The following SPEF2 variants were observed in gnomAD, a reference collection of about 807,000 sequenced individuals.
SPEF2 encodes the protein sperm flagellar and cilia associated 2.
Under a neutral mutation model 224.6 loss-of-function variants are expected in SPEF2, and 187 were observed. The observed-to-expected ratio is 0.83, with a 90% CI of 0.74 to 0.94. The LOEUF (loss-of-function observed/expected upper bound fraction) is 0.94, where lower values mean the gene tolerates loss of function less well. Ranked by LOEUF, SPEF2 falls within the 40% of genes least tolerant of loss-of-function variation. The pLI is 0.00. For synonymous variants in SPEF2, 715 were observed against 707.3 expected, an observed-to-expected ratio of 1.01 and a Z score of -0.17; for missense variants, 2,170 against 2,135.6, an observed-to-expected ratio of 1.02 and a Z score of -0.32.
In SPEF2 at chr5:35,671,385, G is replaced by T. The variant is rs570499503; in HGVS notation, c.1524+1158G>T. 2.5e-4 allele frequency: 240 copies of T among 965,978 alleles called. 1 individual carries two copies. Among genetic ancestry groups the T allele is most frequent in the Non-Finnish European group, 2.9e-4 (233 of 812,274 alleles). 59.8% of individuals were successfully genotyped at this position (965,978 alleles called of 1,614,324 possible). A position where few individuals can be genotyped will look rare whatever the true frequency, so the allele number is the denominator to read the frequency against. Reference sequence around the variant, plus strand: ...TGAATCTGTATTTGTAGCACTAAGAGAATTATTATTAAGGATTGACTAGAA... The same window carrying T: ...TGAATCTGTATTTGTAGCACTAAGATAATTATTATTAAGGATTGACTAGAA... On this transcript the variant is annotated intron_variant, in intron 10 of 36. Transcript: ENST00000356031.
At position 35,807,753 on chromosome 5, in the gene SPEF2, G is replaced by C; in HGVS notation, c.5379+500G>C. 3 of 1,535,980 alleles carry C rather than the reference G, an allele frequency of 2.0e-6. No homozygotes were observed. In the South Asian group the frequency reaches 3.6e-5, roughly 18 times the overall value. On this transcript the variant is annotated intron_variant, in intron 36 of 36. Coordinates refer to ENST00000356031, the MANE Select transcript of SPEF2 (RefSeq NM_024867.4). ...CTAAGGACAAACCCCAGAGAAACTG[G>C]ACAAACCCAGCAGAAGAAAGGAAGA...
chr5:35,749,254 T>TG (rs1476181904), intron 23 of SPEF2, among the ~76,000 whole-genome samples: 1 of 152,102 alleles, frequency 6.6e-6, no homozygotes, highest in Non-Finnish European at 1.5e-5. Flanking sequence ...TAATACTGAA[T>TG]GGGGAAAAGT....
chr5:35,663,202 T>G (rs1322877235), intron 8 of SPEF2, among the ~76,000 whole-genome samples: 1 of 152,132 alleles, frequency 6.6e-6, no homozygotes, highest in Non-Finnish European at 1.5e-5. Context: ...ATCTTTGACT[T>G]CCTTATATTC....
intron 21 of SPEF2, among the ~76,000 whole-genome samples, chr5:35,732,212 A>G (rs1745750695): frequency 2.6e-5 from 4 of 152,154 alleles, no homozygotes; most frequent in Admixed American, 2.6e-4. Context: ...TGAGTTCAAA[A>G]TAGTATTTGA....
chr5:35,772,223 A>C (rs1410275885), intron 27 of SPEF2, among the ~76,000 whole-genome samples: 1 of 152,198 alleles, frequency 6.6e-6, no homozygotes, highest in Non-Finnish European at 1.5e-5. Flanking sequence ...GTCTTGAAAG[A>C]GATCCCTAAT....
intron 21 of SPEF2, among the ~76,000 whole-genome samples, chr5:35,737,961 C>G (rs1162949071): frequency 6.6e-6 from 1 of 152,132 alleles, no homozygotes; most frequent in African/African-American, 2.4e-5. Flanking sequence ...TCTCTGATGG[C>G]CAGTGATGAT....
chr5:35,670,929 T>C (rs1751149498), intron 10 of SPEF2: 3 of 985,432 alleles, frequency 3.0e-6, no homozygotes, highest in Non-Finnish European at 3.6e-6. Flanking sequence ...GCACTTCATG[T>C]TGGATGCATA....
At chr5:35,797,105 G>T (rs1261808590) in intron 33 of SPEF2, among the ~76,000 whole-genome samples, 1 of 152,160 alleles carries the variant, frequency 6.6e-6, no homozygotes, top group Non-Finnish European at 1.5e-5. Flanking sequence ...TTCATTTTCA[G>T]CCAGAAGTTT....
At chr5:35,809,970 A>G (rs945858805) in intron 36 of SPEF2, among the ~76,000 whole-genome samples, 1 of 152,182 alleles carries the variant, frequency 6.6e-6, no homozygotes, top group Non-Finnish European at 1.5e-5. Context: ...TACAAGTAGG[A>G]GCATAAAAAT....
chr5:35,629,271 A>G (rs1396059158), intron 2 of SPEF2, among the ~76,000 whole-genome samples: 3 of 143,576 alleles, frequency 2.1e-5, no homozygotes, highest in Admixed American at 7.4e-5. Context: ...CTCCTGCCTC[A>G]GCCTCCCGAG....
intron 6 of SPEF2, among the ~76,000 whole-genome samples, chr5:35,650,587 C>T (rs557229128): frequency 6.6e-6 from 1 of 152,322 alleles, no homozygotes; most frequent in South Asian, 2.1e-4. Context: ...CTTTCTGTAG[C>T]TCCCTGGCCT....
At chr5:35,813,460 G>A (rs1580820710) in intron 36 of SPEF2, among the ~76,000 whole-genome samples, 1 of 152,080 alleles carries the variant, frequency 6.6e-6, no homozygotes, top group African/African-American at 2.4e-5. Context: ...CCACAGCACT[G>A]CAGCCTGGGT....
chr5:35,628,780 C>G (rs566047666), intron 2 of SPEF2, among the ~76,000 whole-genome samples: 1 of 151,704 alleles, frequency 6.6e-6, no homozygotes, highest in African/African-American at 2.4e-5. Context: ...TTGGTGTAGA[C>G]GGGGTTTTTC....
chr5:35,654,335 A>T (rs1237256094), intron 6 of SPEF2, among the ~76,000 whole-genome samples: 1 of 152,144 alleles, frequency 6.6e-6, no homozygotes, highest in East Asian at 1.9e-4. Context: ...CTCACAGAGA[A>T]TTTAGAAATG....
chr5:35,749,963 G>T (rs1749152233), intron 23 of SPEF2, among the ~76,000 whole-genome samples: 1 of 152,048 alleles, frequency 6.6e-6, no homozygotes. Context: ...ATACTATAAG[G>T]CCATAGTAAC....
At position 35,704,643 on chromosome 5, in the gene SPEF2, A is replaced by G; in HGVS notation, c.2488A>G (p.Arg830Gly). Residue 830 changes from arginine to glycine, a missense_variant, in exon 17 of 37, where the codon AGA (arginine) becomes GGA (glycine). Physicochemically the swap from Arg to Gly is moderately radical, Grantham distance 125 (BLOSUM62 -2). Transcript: ENST00000356031. ...NQDKDGDQNL[R>G]DQIQHRIIGF... ...AGATAAGGATGGAGACCAAAATTTA[A>G]GAGACCAGATACAACATAGGTTAGT... 1.2e-6 allele frequency: 2 copies of G among 1,608,886 alleles called. No homozygotes were observed. Among genetic ancestry groups the G allele is most frequent in the South Asian group, 1.1e-5 (1 of 90,810 alleles).
intron 30 of SPEF2, chr5:35,788,177 C>G (rs1320710925): frequency 1.4e-6 from 1 of 702,792 alleles, no homozygotes; most frequent in African/African-American, 1.7e-5. Context: ...AAGTAGCTCT[C>G]CAGTGAACAG....
intron 16 of SPEF2, 23 bp downstream of exon 16, chr5:35,700,775 C>T: frequency 6.2e-7 from 1 of 1,609,570 alleles, no homozygotes; most frequent in Non-Finnish European, 8.5e-7. Context: ...CCTTTTTTGA[C>T]ACTCTTTTTA....
chr5:35,710,782 T>C, intron 19 of SPEF2: 1 of 985,382 alleles, frequency 1.0e-6, no homozygotes, highest in South Asian at 4.7e-5. Context: ...TGAAGTTTGT[T>C]TGCTATTTTA....
Sources: gnomAD v4.1 joint callset for allele counts (sites outside exome capture counted in the v4.1 genomes callset) on GRCh38, gnomAD v4.1.1 for gene constraint, MANE v1.5 for transcripts, NCBI Gene and HGNC (gene_info 2026-07-23, HGNC 2026-07-21) for gene names.